The following LMTK3 variants were observed in gnomAD, a reference collection of about 807,000 sequenced individuals.
The protein encoded by LMTK3 is lemur tail kinase 3, also known as serine/threonine-protein kinase LMTK3.
In LMTK3, 27 loss-of-function variants were observed where a neutral mutation model predicts 116.7. The ratio of observed to expected loss-of-function variants is 0.23; its 90% CI spans 0.17 to 0.32. The LOEUF (loss-of-function observed/expected upper bound fraction) is 0.32, where lower values mean the gene tolerates loss of function less well. Among genes scored for constraint, LMTK3 ranks in the 10% least tolerant of loss-of-function variants. The probability of loss-of-function intolerance (pLI) is 1.00; values close to 1 mark genes in which losing one functional copy is unlikely to be tolerated. For synonymous variants in LMTK3, 965 were observed against 971.0 expected, an observed-to-expected ratio of 0.99 and a Z score of 0.11; for missense variants, 1,764 against 2,068.5, an observed-to-expected ratio of 0.85 and a Z score of 2.86.
In LMTK3 at chr19:48,493,785, C is replaced by T; in HGVS notation, c.4001G>A (p.Arg1334His). 4 of 1,537,978 alleles carry T rather than the reference C, an allele frequency of 2.6e-6. No homozygotes were observed. The highest frequency in any genetic ancestry group is 3.5e-6 in the Non-Finnish European group (4 of 1,142,884). ...RPLRGLLKSP[R>H]GADEPEDSEL... The stretch of plus-strand genomic sequence containing the variant: ...GCTGTCCTCTGGCTCGTCGGCCCCG[C>T]GCGGAGACTTGAGCAGCCCCCGCAG... Residue 1334 changes from arginine (R) to histidine (H), a missense_variant, in exon 12 of 15, where the codon CGC becomes CAC. Physicochemically the swap from Arg to His is conservative, Grantham distance 29. This residue lies in a region of LMTK3 where 281 missense variants were observed against 301.4 expected (regional missense o/e 0.93). Transcript: ENST00000600059.
chr19:48,504,074 G>A (rs954789947), intron 5 of LMTK3, among the ~76,000 whole-genome samples: 3 of 152,166 alleles, frequency 2.0e-5, no homozygotes, highest in East Asian at 1.9e-4. Flanking sequence ...CACCATGTTG[G>A]CCAGGCTGGT....
chr19:48,509,018 G>C, intron 4 of LMTK3, 49 bp from the exon 5 acceptor site: 1 of 1,303,686 alleles, frequency 7.7e-7, no homozygotes, highest in Non-Finnish European at 1.1e-6. Flanking sequence ...CCCCAGCCCC[G>C]TCCCCTGGGA....
chr19:48,491,743 C>T lies in LMTK3; in HGVS notation c.4093-204G>A, dbSNP rs1972231143. On this transcript the variant is annotated intron_variant, in intron 12 of 14. Coordinates refer to ENST00000600059, the MANE Select transcript of LMTK3 (RefSeq NM_001388485.1). The surrounding 1 kb of genome is among the most constrained non-coding windows in gnomAD (Gnocchi z 5.1). Reference sequence around the variant, plus strand: ...TGGGCCAGCCTTAACCTCAACCTGGCCAGAGGCTCCTTTCCTGACAGCGGA... The same window carrying T: ...TGGGCCAGCCTTAACCTCAACCTGGTCAGAGGCTCCTTTCCTGACAGCGGA... Among the ~76,000 whole-genome samples the T allele has an allele frequency of 2.0e-5, 3 of 152,240 alleles. No homozygotes were observed. Among genetic ancestry groups the T allele is most frequent in the Admixed American group, 2.0e-4 (3 of 15,286 alleles).
upstream of LMTK3, chr19:48,513,055 T>C: frequency 9.1e-7 from 1 of 1,094,144 alleles, no homozygotes; most frequent in Non-Finnish European, 1.4e-6. The surrounding 1 kb of genome is among the most constrained non-coding windows in gnomAD (Gnocchi z 5.6). Context: ...AAACACACAC[T>C]GGCACACATA....
At chr19:48,513,297 T>C (rs1431518048), upstream of LMTK3, 1 of 806,344 alleles carries the variant, frequency 1.2e-6, no homozygotes, top group Non-Finnish European at 2.1e-6. The surrounding 1 kb of genome is among the most constrained non-coding windows in gnomAD (Gnocchi z 5.6). Flanking sequence ...TACCTCTCAA[T>C]CCTCACAACC....
chr19:48,487,277 C>A (rs1479913664), intron 14 of LMTK3, among the ~76,000 whole-genome samples: 1 of 152,052 alleles, frequency 6.6e-6, no homozygotes, highest in Non-Finnish European at 1.5e-5. Flanking sequence ...TTGTGATCCA[C>A]CTGCCTCGGC....
In LMTK3 at chr19:48,499,715, G is replaced by C; in HGVS notation, c.1354C>G (p.Pro452Ala). The change falls in exon 11 of 15, where the codon CCC (proline) becomes GCC (alanine). Residue 452 changes from proline to alanine, a missense_variant. Pro to Ala is a conservative substitution (Grantham distance 27). Coordinates refer to ENST00000600059, the MANE Select transcript of LMTK3 (RefSeq NM_001388485.1). The part of the protein sequence containing the change: ...PRPGTLSSPF[P>A]LLDGFPGADP... Reference sequence around the variant, plus strand: ...GCTCCAGGGAAGCCATCCAGTAGGGGGAACGGTGAGGAGAGGGTCCCCGGG... The same window carrying C: ...GCTCCAGGGAAGCCATCCAGTAGGGCGAACGGTGAGGAGAGGGTCCCCGGG... 6.5e-7 allele frequency: 1 copy of C among 1,528,578 alleles called. No individual in the cohort carries two copies. Among genetic ancestry groups the C allele is most frequent in the Non-Finnish European group, 8.8e-7 (1 of 1,135,864 alleles). The allele number at this position is 1,528,578 out of a possible 1,614,324, so 94.7% of individuals were successfully genotyped here. A position where few individuals can be genotyped will look rare whatever the true frequency, so the allele number is the denominator to read the frequency against.
chr19:48,493,499 A>C (rs1209086965), intron 12 of LMTK3, among the ~76,000 whole-genome samples, 195 bp downstream of exon 12: 15 of 56,084 alleles, frequency 2.7e-4, no homozygotes, highest in Admixed American at 9.6e-4. Context: ...GCCACGCCCC[A>C]CTCTAACTCG....
chr19:48,505,520 T>G (rs892134149), intron 5 of LMTK3, among the ~76,000 whole-genome samples: 2 of 151,812 alleles, frequency 1.3e-5, no homozygotes, highest in Non-Finnish European at 2.9e-5. Flanking sequence ...AACCTAGAAG[T>G]TTGAGACCAG....
chr19:48,511,439 A>T, intron 1 of LMTK3, 62 bp downstream of exon 1: 1 of 684,036 alleles, frequency 1.5e-6, no homozygotes, highest in Non-Finnish European at 2.2e-6. Flanking sequence ...ACCCCTGGGC[A>T]GACAGCGAGG....
At chr19:48,510,764 G>T (rs1046400715) in intron 1 of LMTK3, among the ~76,000 whole-genome samples, 172 bp from the exon 2 acceptor site, 1 of 152,198 alleles carries the variant, frequency 6.6e-6, no homozygotes, top group Non-Finnish European at 1.5e-5. Flanking sequence ...GTAGTTTGGG[G>T]CCTTCCCAAG....
Position 48,491,636 on chromosome 19 carries a change from G to A in LMTK3, c.4093-97C>T. 2 of 1,113,854 alleles carry A rather than the reference G, an allele frequency of 1.8e-6. No homozygotes were observed. The highest frequency in any genetic ancestry group is 2.3e-6 in the Non-Finnish European group (2 of 864,528). The allele number at this position is 1,113,854 out of a possible 1,614,324, so 69.0% of individuals were successfully genotyped here. Reference sequence around the variant, plus strand: ...CAACAAAACCGGCTAATATTTCTGGGGCTCTAGGAATCCCAATTTGTAATC... The same window carrying A: ...CAACAAAACCGGCTAATATTTCTGGAGCTCTAGGAATCCCAATTTGTAATC... On this transcript the variant is annotated intron_variant, in intron 12 of 14. Transcript: ENST00000600059. The surrounding 1 kb of genome is among the most constrained non-coding windows in gnomAD (Gnocchi z 5.1).
At chr19:48,506,521 G>T (rs760565981) in intron 5 of LMTK3, among the ~76,000 whole-genome samples, 1 of 152,150 alleles carries the variant, frequency 6.6e-6, no homozygotes, top group Admixed American at 6.5e-5. Context: ...GGGGCCTGGC[G>T]GGAGGCAGAG....
chr19:48,508,827 C>T (rs1348143742), intron 5 of LMTK3, 24 bp downstream of exon 5: 10 of 1,553,394 alleles, frequency 6.4e-6, no homozygotes, highest in Non-Finnish European at 8.9e-6. Flanking sequence ...ACAAGGCACA[C>T]ACCCACTGAG....
intron 14 of LMTK3, among the ~76,000 whole-genome samples, chr19:48,489,914 T>TG (rs913214569): frequency 3.9e-5 from 6 of 152,178 alleles, no homozygotes; most frequent in African/African-American, 7.2e-5. Context: ...CCCTGGGTCC[T>TG]GGGGGTGTTC....
chr19:48,486,427 A>G (rs764532190), intron 14 of LMTK3, among the ~76,000 whole-genome samples: 2 of 151,556 alleles, frequency 1.3e-5, no homozygotes, highest in African/African-American at 2.4e-5. Flanking sequence ...TCCTTCCCCA[A>G]CCATACTGAA....
intron 2 of LMTK3, 128 bp downstream of exon 2, chr19:48,510,331 T>G: frequency 7.0e-7 from 1 of 1,426,632 alleles, no homozygotes. Context: ...CTCCAGATCT[T>G]GCCATAGCTT....
chr19:48,507,908 A>T (rs1972596615), intron 5 of LMTK3, among the ~76,000 whole-genome samples: 1 of 152,218 alleles, frequency 6.6e-6, no homozygotes, highest in South Asian at 2.1e-4. Context: ...ACATGCCATG[A>T]CGGGGTGAAG....
rs1972500005 is a variant in LMTK3 at position 48,502,987 on chromosome 19, C to T, written c.567G>A (p.Gln189=). Residue 189 remains glutamine (Q), a synonymous_variant, in exon 6 of 15, where the codon CAG becomes CAA. Coordinates refer to ENST00000600059, the MANE Select transcript of LMTK3 (RefSeq NM_001388485.1). ...ISEAQPYRSL[Q]HPNVLQCLGL... Reference sequence around the variant, plus strand: ...CCAGGCACTGGAGGACATTGGGGTGCTGCAGGCTCCTGTGGAGTGAGGAGG... The same window carrying T: ...CCAGGCACTGGAGGACATTGGGGTGTTGCAGGCTCCTGTGGAGTGAGGAGG... 1 of 1,610,880 alleles carries T rather than the reference C, an allele frequency of 6.2e-7. No homozygotes were observed.
Sources: allele counts gnomAD v4.1 joint callset (sites outside exome capture counted in the v4.1 genomes callset), GRCh38; gene constraint gnomAD v4.1.1; regional missense constraint gnomAD v4.1.1; non-coding constraint Gnocchi (gnomAD v3.1); transcripts MANE v1.5; gene names NCBI Gene and HGNC (gene_info 2026-07-23, HGNC 2026-07-21).